The following PCDH7 variants were observed in gnomAD, a reference collection of about 807,000 sequenced individuals.
PCDH7 encodes protocadherin 7, also known as protocadherin-7.
Under a neutral mutation model 58.9 loss-of-function variants are expected in PCDH7, and 17 were observed. That is an observed-to-expected ratio of 0.29 (90% CI 0.20 to 0.43). PCDH7 has a LOEUF of 0.43. Among genes scored for constraint, PCDH7 ranks in the 20% least tolerant of loss-of-function variants. The pLI, the probability that PCDH7 is intolerant of heterozygous loss-of-function variation, is 1.00. For missense variants in PCDH7, 1,274 were observed against 1,441.0 expected (o/e 0.88, Z 1.88); for synonymous variants, 664 against 616.4 (o/e 1.08, Z -1.14).
downstream of PCDH7, among the ~76,000 whole-genome samples, chr4:30,736,555 A>G (rs1354150627): frequency 9.0e-6 from 1 of 111,022 alleles, no homozygotes; most frequent in Non-Finnish European, 1.8e-5. Flanking sequence ...TTTTTTTTTG[A>G]GACGGGGTCT....
At chr4:30,937,712 T>C (rs1003026204) in intron 2 of PCDH7, among the ~76,000 whole-genome samples, 1 of 152,120 alleles carries the variant, frequency 6.6e-6, no homozygotes. Flanking sequence ...GGAGAGGATA[T>C]GCCTTACAAA....
chr4:30,738,745 T>A (rs1448160714), intron 1 of PCDH7, among the ~76,000 whole-genome samples: 4 of 152,268 alleles, frequency 2.6e-5, no homozygotes, highest in South Asian at 4.2e-4. Context: ...ATTTTCAGCA[T>A]TAAAATGAAA....
intron 1 of PCDH7, among the ~76,000 whole-genome samples, chr4:30,757,627 A>T (rs1719479565): frequency 2.0e-5 from 3 of 152,172 alleles, no homozygotes; most frequent in Admixed American, 6.5e-5. Context: ...CTCAGCTCAA[A>T]TGTCACTTCC....
chr4:31,124,819 T>C (rs1471089035), intron 3 of PCDH7, among the ~76,000 whole-genome samples: 4 of 152,232 alleles, frequency 2.6e-5, no homozygotes, highest in Non-Finnish European at 5.9e-5. Context: ...CATAATCTCT[T>C]TGATGCTTTG....
intron 3 of PCDH7, among the ~76,000 whole-genome samples, chr4:31,084,593 G>A (rs1712075211): frequency 6.8e-6 from 1 of 147,644 alleles, no homozygotes; most frequent in African/African-American, 2.5e-5. Context: ...GGCTTATAGG[G>A]AACTATAGTT....
chr4:30,981,090 C>T (rs1750517346), intron 3 of PCDH7, among the ~76,000 whole-genome samples: 1 of 152,212 alleles, frequency 6.6e-6, no homozygotes, highest in South Asian at 2.1e-4. Flanking sequence ...GATCCACCCG[C>T]CTTGGCCTCC....
chr4:30,779,698 T>C (rs1181728522), intron 1 of PCDH7, among the ~76,000 whole-genome samples: 2 of 152,220 alleles, frequency 1.3e-5, no homozygotes, highest in Non-Finnish European at 1.5e-5. Context: ...TCTCAATTAA[T>C]TCCTTGGACA....
At chr4:30,941,751 A>C (rs1746059115) in intron 2 of PCDH7, among the ~76,000 whole-genome samples, 1 of 151,880 alleles carries the variant, frequency 6.6e-6, no homozygotes, top group Non-Finnish European at 1.5e-5. Context: ...CCAAAAAATG[A>C]GGTAAAATTT....
intron 3 of PCDH7, among the ~76,000 whole-genome samples, chr4:31,128,517 G>C (rs989479529): frequency 6.6e-6 from 1 of 152,120 alleles, no homozygotes; most frequent in Non-Finnish European, 1.5e-5. Context: ...TATGGAATGA[G>C]CTGTGCATGA....
intron 1 of PCDH7, among the ~76,000 whole-genome samples, chr4:30,761,858 C>T (rs1577695287): frequency 6.6e-6 from 1 of 152,170 alleles, no homozygotes; most frequent in East Asian, 1.9e-4. Context: ...AAAAAATTCT[C>T]GCTTTAGATG....
intron 3 of PCDH7, among the ~76,000 whole-genome samples, chr4:30,988,802 C>G (rs897225770): frequency 6.6e-6 from 1 of 152,064 alleles, no homozygotes; most frequent in East Asian, 1.9e-4. Context: ...TTAAATGAAA[C>G]TGGGAATGGA....
At chr4:30,962,051 C>T (rs1229021125) in intron 3 of PCDH7, among the ~76,000 whole-genome samples, 1 of 152,134 alleles carries the variant, frequency 6.6e-6, no homozygotes, top group Non-Finnish European at 1.5e-5. Context: ...TTATTTAATG[C>T]ACCTCTTTGG....
At chr4:31,013,978 T>C (rs777017661) in intron 3 of PCDH7, among the ~76,000 whole-genome samples, 8 of 152,148 alleles carry the variant, frequency 5.3e-5, no homozygotes, top group African/African-American at 1.4e-4. Context: ...TTTTAGCTAA[T>C]ATTTGCAAAG....
At chr4:30,843,258 G>A (rs370499616) in intron 1 of PCDH7, among the ~76,000 whole-genome samples, 33 of 152,176 alleles carry the variant, frequency 2.2e-4, no homozygotes, top group Admixed American at 2.6e-4. Context: ...GTGGAGTGCA[G>A]TGGTGCAATC....
At chr4:30,945,040 A>G (rs930596212) in intron 2 of PCDH7, among the ~76,000 whole-genome samples, 1 of 152,104 alleles carries the variant, frequency 6.6e-6, no homozygotes, top group Non-Finnish European at 1.5e-5. Context: ...GTCACCTAAG[A>G]AAAATATATC....
intron 1 of PCDH7, among the ~76,000 whole-genome samples, chr4:30,919,124 A>G (rs1276601253): frequency 6.6e-6 from 1 of 152,182 alleles, no homozygotes; most frequent in Non-Finnish European, 1.5e-5. Context: ...GTTTAAAAAT[A>G]TGTACACTTC....
chr4:30,759,185 G>A (rs549787754), intron 1 of PCDH7, among the ~76,000 whole-genome samples: 9 of 151,940 alleles, frequency 5.9e-5, no homozygotes, highest in Non-Finnish European at 8.8e-5. Context: ...CAGGCCATCC[G>A]CCCGCCCTGG....
At position 30,722,585 on chromosome 4, in the gene PCDH7, G is replaced by C. The variant is rs776042794; in HGVS notation, c.1163G>C (p.Arg388Pro). The C allele has an allele frequency of 6.2e-7, 1 of 1,612,872 alleles. No individual in the cohort carries two copies. Among genetic ancestry groups the C allele is most frequent in the Non-Finnish European group, 8.5e-7 (1 of 1,180,030 alleles). ...CAGCTGCGCTTCACGGTCATGGCCC[G>C]CGACCGCGGGCAGCCCCCCAAGACC... The change falls in exon 1 of 2, where the codon CGC becomes CCC. Residue 388 changes from arginine to proline, a missense_variant. This residue lies in a region of PCDH7 where 731 missense variants were observed against 881.9 expected (regional missense o/e 0.83). Coordinates refer to ENST00000361762, the Ensembl canonical transcript of PCDH7. This position sits in a 1 kb window ranked among gnomAD's most constrained non-coding sequence, Gnocchi z 7.6.
chr4:30,879,852 AC>A (rs1736746010), intron 1 of PCDH7, among the ~76,000 whole-genome samples: 1 of 152,102 alleles, frequency 6.6e-6, no homozygotes, highest in African/African-American at 2.4e-5. Flanking sequence ...TCTGGTTGCT[AC>A]CAGTTAATAA....
Sources: gnomAD v4.1 joint callset for allele counts (sites outside exome capture counted in the v4.1 genomes callset) on GRCh38, gnomAD v4.1.1 for gene constraint, gnomAD v4.1.1 regional missense constraint, Gnocchi (gnomAD v3.1) non-coding constraint, MANE v1.5 for transcripts, NCBI Gene and HGNC (gene_info 2026-07-23, HGNC 2026-07-21) for gene names.